IRS1: variants seen among roughly 807,000 people sequenced by gnomAD.
IRS1 encodes the protein insulin receptor substrate 1.
A neutral mutation model predicts 65.6 loss-of-function variants in IRS1; 34 were observed. The observed-to-expected ratio is 0.52, with a 90% CI of 0.39 to 0.69. The LOEUF (loss-of-function observed/expected upper bound fraction) is 0.69, where lower values mean the gene tolerates loss of function less well. Among genes scored for constraint, IRS1 ranks in the 30% least tolerant of loss-of-function variants. IRS1 has a pLI of 0.00. For synonymous variants in IRS1, 699 were observed against 683.5 expected (o/e 1.02, Z -0.35); for missense variants, 1,641 against 1,720.2 (o/e 0.95, Z 0.81).
chr2:226,762,372 AAGAG>A (rs1553530653), intron 1 of IRS1, among the ~76,000 whole-genome samples: 1 of 151,720 alleles, frequency 6.6e-6, no homozygotes, highest in Admixed American at 6.6e-5. Context: ...AAAAAAAAAA[AAGAG>A]AGAGAGCAAA....
Position 226,797,965 on chromosome 2 carries a change from C to G in IRS1, c.774G>C (p.Arg258=). 6.2e-7 allele frequency: 1 copy of G among 1,614,128 alleles called. No homozygotes were observed. Among genetic ancestry groups the G allele is most frequent in the African/African-American group, 1.3e-5 (1 of 75,040 alleles). The change falls in exon 1 of 2, where the codon CGG becomes CGC. Residue 258 remains arginine (R), a synonymous_variant. Transcript: ENST00000305123. This position sits in a 1 kb window ranked among gnomAD's most constrained non-coding sequence, Gnocchi z 8.1. The part of the protein sequence containing the change: ...NMHETILEAM[R]AMSDEFRPRS... ...GAGGGCGGAACTCATCACTCATGGC[C>G]CGCATGGCCTCCAGGATGGTCTCGT...
intron 1 of IRS1, among the ~76,000 whole-genome samples, chr2:226,784,071 A>C (rs970188058): frequency 1.3e-5 from 2 of 151,994 alleles, no homozygotes; most frequent in African/African-American, 4.8e-5. Flanking sequence ...ATTCACCCTG[A>C]TGAGACAAGC....
intron 1 of IRS1, among the ~76,000 whole-genome samples, chr2:226,762,435 C>T (rs1174737026): frequency 1.3e-5 from 2 of 151,254 alleles, no homozygotes; most frequent in Non-Finnish European, 2.9e-5. Flanking sequence ...ACTAGTGAAG[C>T]ATCTGTATAA....
intron 1 of IRS1, among the ~76,000 whole-genome samples, chr2:226,768,158 T>G (rs985217254): frequency 3.3e-5 from 5 of 152,166 alleles, no homozygotes; most frequent in Non-Finnish European, 7.4e-5. Context: ...TCTCCCTTAC[T>G]TCACTCAGAT....
intron 1 of IRS1, among the ~76,000 whole-genome samples, chr2:226,774,303 G>T (rs374434125): frequency 6.6e-6 from 1 of 152,170 alleles, no homozygotes; most frequent in Non-Finnish European, 1.5e-5. Flanking sequence ...GTCCTTCAAG[G>T]AAGAGGGCTT....
intron 1 of IRS1, among the ~76,000 whole-genome samples, chr2:226,772,638 G>A (rs374502566): frequency 2.0e-5 from 3 of 147,902 alleles, no homozygotes; most frequent in African/African-American, 7.5e-5. Flanking sequence ...CAGGAAAAAT[G>A]ATGCTGGTAA....
intron 1 of IRS1, among the ~76,000 whole-genome samples, chr2:226,765,191 C>T (rs1182550046): frequency 2.0e-5 from 3 of 152,196 alleles, no homozygotes; most frequent in Non-Finnish European, 2.9e-5. Context: ...CTGATCTTAG[C>T]CTTACGAGTA....
chr2:226,788,175 G>T (rs1939521866), intron 1 of IRS1, among the ~76,000 whole-genome samples: 1 of 152,072 alleles, frequency 6.6e-6, no homozygotes, highest in Non-Finnish European at 1.5e-5. Context: ...GGAGTGCAAG[G>T]ATACATATGT....
chr2:226,769,054 G>A (rs1046920162), intron 1 of IRS1, among the ~76,000 whole-genome samples: 1 of 152,162 alleles, frequency 6.6e-6, no homozygotes, highest in African/African-American at 2.4e-5. Context: ...TGTTCAATAT[G>A]TTTTATGTAA....
rs200142054 is a variant in IRS1, at chr2:226,795,333, C to G, written c.3406G>C (p.Glu1136Gln). The change falls in exon 1 of 2, where the codon GAG becomes CAG. Residue 1136 changes from glutamate (E) to glutamine (Q), a missense_variant. Glu to Gln is a conservative substitution (Grantham distance 29). Transcript: ENST00000305123. Reference protein sequence around the residue: ...GGGGGSSSSSEDVKRHSSASF... With the variant: ...GGGGGSSSSSQDVKRHSSASF... ...GCAGAGCTGTGGCGTTTCACATCCT[C>G]GCTGCTGCTGCTGCTACCGCCACCG... The G allele has an allele frequency of 3.1e-6, 5 of 1,613,394 alleles. No homozygotes were observed. The South Asian group carries it at 5.5e-5, about 18-fold the overall frequency.
chr2:226,784,766 A>G (rs1196166437), intron 1 of IRS1, among the ~76,000 whole-genome samples: 1 of 152,198 alleles, frequency 6.6e-6, no homozygotes, highest in African/African-American at 2.4e-5. Context: ...GAAAGTTTCT[A>G]TTTTGTAGCA....
intron 1 of IRS1, among the ~76,000 whole-genome samples, chr2:226,746,463 A>AG (rs957351558): frequency 2.3e-4 from 35 of 152,144 alleles, no homozygotes; most frequent in African/African-American, 8.4e-4. Context: ...CAGCTGGAAG[A>AG]GGAGGGAGGG....
At chr2:226,751,429 G>A (rs1177257447) in intron 1 of IRS1, among the ~76,000 whole-genome samples, 1 of 151,782 alleles carries the variant, frequency 6.6e-6, no homozygotes, top group Non-Finnish European at 1.5e-5. Flanking sequence ...GACTACAGGC[G>A]CCTGCCACGA....
At chr2:226,775,687 A>G (rs1320445913) in intron 1 of IRS1, among the ~76,000 whole-genome samples, 1 of 152,200 alleles carries the variant, frequency 6.6e-6, no homozygotes, top group African/African-American at 2.4e-5. Context: ...TCCATCAGGT[A>G]TCTGTGGGGG....
chr2:226,785,677 C>A (rs1344834072), intron 1 of IRS1, among the ~76,000 whole-genome samples: 7 of 152,028 alleles, frequency 4.6e-5, no homozygotes, highest in Non-Finnish European at 8.8e-5. Context: ...CTTGAAAAAC[C>A]AGATCATTTT....
At position 226,799,266 on chromosome 2, in the gene IRS1, T is replaced by G; in HGVS notation, c.-528A>C. 2 of 1,151,162 alleles carry G rather than the reference T, an allele frequency of 1.7e-6. No individual in the cohort carries two copies. The highest frequency in any genetic ancestry group is 2.2e-6 in the Non-Finnish European group (2 of 914,590). 71.3% of individuals were successfully genotyped at this position (1,151,162 alleles called of 1,614,324 possible). ...TCCCAACGTTGCACGGGGTTCTCCC[T>G]CCTCCTTCGCCTCCTCCCACCCCCC... is the stretch of plus-strand genomic sequence containing the variant. On this transcript the variant is annotated 5_prime_UTR_variant, in exon 1 of 2. Transcript: ENST00000305123. The surrounding 1 kb of genome is among the most constrained non-coding windows in gnomAD (Gnocchi z 6.1).
chr2:226,775,079 T>C (rs142819139), intron 1 of IRS1, among the ~76,000 whole-genome samples: 1 of 152,132 alleles, frequency 6.6e-6, no homozygotes, highest in Non-Finnish European at 1.5e-5. Flanking sequence ...TAAACTTTAA[T>C]GTATGCAAAT....
chr2:226,797,051 C>T lies in IRS1; in HGVS notation c.1688G>A (p.Gly563Asp), dbSNP rs756450695. The stretch of plus-strand genomic sequence containing the variant: ...GTGTCCCGGCAGTCGGCCTCCACTG[C>T]CACCTCCTGGTGGGTAGGCAGGCAT... The part of the protein sequence containing the change: ...EMMPAYPPGG[G>D]SGGRLPGHRH... The change falls in exon 1 of 2, where the codon GGC becomes GAC. Residue 563 changes from glycine (G) to aspartate (D), a missense_variant. Coordinates refer to ENST00000305123, the MANE Select transcript of IRS1 (RefSeq NM_005544.3). This position sits in a 1 kb window ranked among gnomAD's most constrained non-coding sequence, Gnocchi z 8.1. The T allele has an allele frequency of 6.2e-7, 1 of 1,610,250 alleles. No individual in the cohort carries two copies. The highest frequency in any genetic ancestry group is 8.5e-7 in the Non-Finnish European group (1 of 1,177,534).
At position 226,797,865 on chromosome 2, in the gene IRS1, G is replaced by A. The variant is rs1397135584; in HGVS notation, c.874C>T (p.Pro292Ser). ...GTCAGCCCCACCTGGCTGGGCGGGGGATTGTTGAGATGGTGCCGGCGCAGG... is the reference window on the plus strand; with the variant it reads ...GTCAGCCCCACCTGGCTGGGCGGGGAATTGTTGAGATGGTGCCGGCGCAGG... The part of the protein sequence containing the change: ...VPLRRHHLNN[P>S]PPSQVGLTRR... Residue 292 changes from proline to serine, a missense_variant, in exon 1 of 2, where the codon CCC becomes TCC. Physicochemically the swap from Pro to Ser is moderately conservative, Grantham distance 74. Transcript: ENST00000305123. This position sits in a 1 kb window ranked among gnomAD's most constrained non-coding sequence, Gnocchi z 8.1. The A allele has an allele frequency of 2.5e-6, 4 of 1,605,590 alleles. No individual in the cohort carries two copies. The Admixed American group carries it at 6.7e-5, about 27-fold the overall frequency.
Sources: gnomAD v4.1 joint callset for allele counts (sites outside exome capture counted in the v4.1 genomes callset) on GRCh38, gnomAD v4.1.1 for gene constraint, Gnocchi (gnomAD v3.1) non-coding constraint, MANE v1.5 for transcripts, NCBI Gene and HGNC (gene_info 2026-07-23, HGNC 2026-07-21) for gene names.